The following CHRNA4 variants were observed in gnomAD, a reference collection of about 807,000 sequenced individuals.
CHRNA4 encodes cholinergic receptor nicotinic alpha 4 subunit.
Under a neutral mutation model 48.9 loss-of-function variants are expected in CHRNA4, and 28 were observed. The ratio of observed to expected loss-of-function variants is 0.57; its 90% CI spans 0.42 to 0.79. The LOEUF is 0.79. Ranked by LOEUF, CHRNA4 falls within the 30% of genes least tolerant of loss-of-function variation. CHRNA4 has a pLI of 0.00. For missense variants in CHRNA4, 859 were observed against 898.4 expected, an observed-to-expected ratio of 0.96 and a Z score of 0.56; for synonymous variants, 425 against 402.3, an observed-to-expected ratio of 1.06 and a Z score of -0.68.
At chr20:63,351,051 T>C (rs1436505960) in intron 4 of CHRNA4, 24 bp from the exon 5 acceptor site, 2 of 1,605,640 alleles carry the variant, frequency 1.2e-6, no homozygotes, top group African/African-American at 2.7e-5. Context: ...GAGCGAAGGG[T>C]GTGAGACCCC....
Position 63,361,294 on chromosome 20 carries a change from T to A in CHRNA4, c.-129A>T. On this transcript the variant is annotated 5_prime_UTR_variant, in exon 1 of 6. It adds an upstream start codon to the 5' untranslated region. Coordinates refer to ENST00000370263, the MANE Select transcript of CHRNA4 (RefSeq NM_000744.7). The stretch of plus-strand genomic sequence containing the variant: ...CTTCGGCCGCCGGGCCCGGTTCGTC[T>A]TCTCCTGTGGGGCGCGGTGCGGCGG... The A allele has an allele frequency of 7.5e-7, 1 of 1,327,730 alleles. No homozygotes were observed. Among genetic ancestry groups the A allele is most frequent in the South Asian group, 1.7e-5 (1 of 59,198 alleles). The allele number at this position is 1,327,730 out of a possible 1,614,324, so 82.2% of individuals were successfully genotyped here.
At position 63,350,333 on chromosome 20, in the gene CHRNA4, G is replaced by C. The variant is rs759167480; in HGVS notation, c.1078C>G (p.Arg360Gly). The C allele has an allele frequency of 6.2e-7, 1 of 1,613,460 alleles. No homozygotes were observed. The highest frequency in any genetic ancestry group is 1.1e-5 in the South Asian group (1 of 91,092). Residue 360 changes from arginine to glycine, a missense_variant, in exon 5 of 6, where the codon CGG becomes GGG. Physicochemically the swap from Arg to Gly is moderately radical, Grantham distance 125. Coordinates refer to ENST00000370263, the MANE Select transcript of CHRNA4 (RefSeq NM_000744.7). Reference sequence around the variant, plus strand: ...CAATTGTCCTTGACCACGGACGGCCGCTTCATGAGGAGCAGGCGTGGCACG... The same window carrying C: ...CAATTGTCCTTGACCACGGACGGCCCCTTCATGAGGAGCAGGCGTGGCACG... ...DIVPRLLLMK[R>G]PSVVKDNCRR...
rs1568802031 is a variant in CHRNA4 at position 63,344,555 on chromosome 20, G to GGTCCCCCGGCAGGAGC, written c.*2167_*2182dup. 1 of 452,938 alleles carries GGTCCCCCGGCAGGAGC rather than the reference G, an allele frequency of 2.2e-6. No individual in the cohort carries two copies. The allele number at this position is 452,938 out of a possible 1,614,324, so 28.1% of individuals were successfully genotyped here. Reference sequence around the variant, plus strand: ...GGCAAGCGGCCACCCCCGGCAGGAGGGTCCCCCGGCAGGAGCGTCCCAGCC... The same window carrying GGTCCCCCGGCAGGAGC: ...GGCAAGCGGCCACCCCCGGCAGGAGGGTCCCCCGGCAGGAGCGTCCCCCGGCAGGAGCGTCCCAGCC... On this transcript the variant is annotated 3_prime_UTR_variant, in exon 6 of 6. Transcript: ENST00000370263. This position sits in a 1 kb window ranked among gnomAD's most constrained non-coding sequence, Gnocchi z 4.5.
Position 63,349,981 on chromosome 20 carries a change from G to A in CHRNA4, c.1430C>T (p.Ala477Val), listed in dbSNP as rs200243948. 70 of 1,551,480 alleles carry A rather than the reference G, an allele frequency of 4.5e-5. No homozygotes were observed. Among genetic ancestry groups the A allele is most frequent in the South Asian group, 7.2e-5 (6 of 83,652 alleles). Residue 477 changes from alanine to valine, a missense_variant, in exon 5 of 6, where the codon GCG (alanine) becomes GTG (valine). Around this residue, in one of 3 missense-constraint regions of CHRNA4, gnomAD observed 478 missense variants for 455.4 expected, o/e 1.05. Coordinates refer to ENST00000370263, the MANE Select transcript of CHRNA4 (RefSeq NM_000744.7). The part of the protein sequence containing the change: ...SVQHMSSPGE[A>V]VEGGVRCRSR... ...CCGGCACCGGACGCCGCCTTCCACCGCTTCGCCAGGGCTGGACATGTGCTG... is the reference window on the plus strand; with the variant it reads ...CCGGCACCGGACGCCGCCTTCCACCACTTCGCCAGGGCTGGACATGTGCTG...
At chr20:63,351,288 G>A (rs948470474) in intron 4 of CHRNA4, among the ~76,000 whole-genome samples, 4 of 99,896 alleles carry the variant, frequency 4.0e-5, no homozygotes, top group Non-Finnish European at 9.2e-5. Flanking sequence ...TCACGTCACA[G>A]GAGCACAAAA....
chr20:63,350,069 G>T lies in CHRNA4; in HGVS notation c.1342C>A (p.Pro448Thr). 6.6e-7 allele frequency: 1 copy of T among 1,518,974 alleles called. No individual in the cohort carries two copies. Among genetic ancestry groups the T allele is most frequent in the Admixed American group, 2.0e-5 (1 of 48,878 alleles). 94.1% of individuals were successfully genotyped at this position (1,518,974 alleles called of 1,614,324 possible). The change falls in exon 5 of 6, where the codon CCC becomes ACC. Residue 448 changes from proline (P) to threonine (T), a missense_variant. This residue lies in a region of CHRNA4 where 478 missense variants were observed against 455.4 expected (regional missense o/e 1.05). Coordinates refer to ENST00000370263, the MANE Select transcript of CHRNA4 (RefSeq NM_000744.7). ...EKASPHPSPG[P>T]CRPPHGTQAP... ...TGGGTGCCGTGGGGCGGGCGGCAGG[G>T]TCCAGGCGAGGGGTGGGGGCTGGCT...
chr20:63,353,260 G>T (rs1332872757), intron 4 of CHRNA4, among the ~76,000 whole-genome samples: 1 of 152,204 alleles, frequency 6.6e-6, no homozygotes, highest in Non-Finnish European at 1.5e-5. Context: ...GGCCTCCTCA[G>T]CGGGAGCAGA....
chr20:63,359,415 A>G, intron 2 of CHRNA4, 133 bp downstream of exon 2: 1 of 1,175,918 alleles, frequency 8.5e-7, no homozygotes, highest in Non-Finnish European at 1.2e-6. Context: ...TGTCGTTCTG[A>G]CGTACCAGCC....
chr20:63,357,130 A>G (rs1948865690), intron 2 of CHRNA4, among the ~76,000 whole-genome samples: 1 of 122,328 alleles, frequency 8.2e-6, no homozygotes, highest in African/African-American at 3.3e-5. Context: ...CCACGTCTCC[A>G]CGGACCGTGT....
rs1275060934 is a variant in CHRNA4 at position 63,344,461 on chromosome 20, A to G, written c.*2277T>C. 1 of 452,270 alleles carries G rather than the reference A, an allele frequency of 2.2e-6. No individual in the cohort carries two copies. The highest frequency in any genetic ancestry group is 7.0e-5 in the East Asian group (1 of 14,252). The allele number at this position is 452,270 out of a possible 1,614,324, so 28.0% of individuals were successfully genotyped here. A position where few individuals can be genotyped will look rare whatever the true frequency, so the allele number is the denominator to read the frequency against. On this transcript the variant is annotated 3_prime_UTR_variant, in exon 6 of 6. Transcript: ENST00000370263. The surrounding 1 kb of genome is among the most constrained non-coding windows in gnomAD (Gnocchi z 4.5). ...AAGGTTAATTTGGCGTGGTGGGAAT[A>G]TGGTGCTTTATTTGGATTTTTTTTT...
chr20:63,359,409 G>A (rs529595789), intron 2 of CHRNA4, 139 bp downstream of exon 2: 56 of 1,116,948 alleles, frequency 5.0e-5, no homozygotes, highest in Non-Finnish European at 6.5e-5. Context: ...GGTGGCTGTC[G>A]TTCTGACGTA....
intron 1 of CHRNA4, 62 bp downstream of exon 1, chr20:63,361,028 T>G: frequency 7.7e-7 from 1 of 1,299,044 alleles, no homozygotes; most frequent in Non-Finnish European, 9.9e-7. Flanking sequence ...CCTCTGGCTC[T>G]GGGGGTCCCA....
intron 1 of CHRNA4, 79 bp downstream of exon 1, chr20:63,361,011 C>G: frequency 8.5e-7 from 1 of 1,182,476 alleles, no homozygotes; most frequent in Admixed American, 4.1e-5. Context: ...AGTCAGGAGC[C>G]TGCCTCCCTC....
rs2068601636 is a variant in CHRNA4, at chr20:63,351,191, CGCCCACAT to C, written c.384-172_384-165del. 75 of 435,380 alleles carry C rather than the reference CGCCCACAT, an allele frequency of 1.7e-4. 7 individuals are homozygous for C. Among genetic ancestry groups the C allele is most frequent in the African/African-American group, 3.3e-4 (7 of 21,238 alleles). 27.0% of individuals were successfully genotyped at this position (435,380 alleles called of 1,614,324 possible). A position where few individuals can be genotyped will look rare whatever the true frequency, so the allele number is the denominator to read the frequency against. Reference sequence around the variant, plus strand: ...CGTCCACGCCCACATCCATGTCCCACGCCCACATCCACACCCACGTCCACGTCCACGCC... The same window carrying C: ...CGTCCACGCCCACATCCATGTCCCACCCACACCCACGTCCACGTCCACGCC... On this transcript the variant is annotated intron_variant, in intron 4 of 5. Coordinates refer to ENST00000370263, the MANE Select transcript of CHRNA4 (RefSeq NM_000744.7).
chr20:63,343,597 G>A lies in CHRNA4; in HGVS notation c.*3141C>T, dbSNP rs199806768. 3 of 453,938 alleles carry A rather than the reference G, an allele frequency of 6.6e-6. No homozygotes were observed. Among genetic ancestry groups the A allele is most frequent in the Non-Finnish European group, 1.3e-5 (3 of 226,752 alleles). 28.1% of individuals were successfully genotyped at this position (453,938 alleles called of 1,614,324 possible). A position where few individuals can be genotyped will look rare whatever the true frequency, so the allele number is the denominator to read the frequency against. On this transcript the variant is annotated 3_prime_UTR_variant, in exon 6 of 6. Coordinates refer to ENST00000370263, the MANE Select transcript of CHRNA4 (RefSeq NM_000744.7). Reference sequence around the variant, plus strand: ...AGGCCAGCCATTGAGAGATTACCACGCTTCCTGAGAGGAGGGCCACGTCGC... The same window carrying A: ...AGGCCAGCCATTGAGAGATTACCACACTTCCTGAGAGGAGGGCCACGTCGC...
Position 63,349,726 on chromosome 20 carries a change from G to A in CHRNA4, c.1685C>T (p.Pro562Leu), listed in dbSNP as rs200750362. The A allele has an allele frequency of 2.5e-5, 40 of 1,612,696 alleles. No individual in the cohort carries two copies. The highest frequency in any genetic ancestry group is 9.9e-5 in the South Asian group (9 of 91,080). The change falls in exon 5 of 6, where the codon CCG becomes CTG. Residue 562 changes from proline to leucine, a missense_variant. By Grantham distance (98) the Pro-to-Leu change is moderately conservative. Transcript: ENST00000370263. ...KAPPPHLPLS[P>L]ALTRAVEGVQ... is the part of the protein sequence containing the mutation. ...GCCCTCCACCGCCCGGGTCAGGGCC[G>A]GCGACAGGGGCAGGTGCGGGGGCGG... is the stretch of plus-strand genomic sequence containing the variant.
At chr20:63,351,679 G>T (rs922259627) in intron 4 of CHRNA4, among the ~76,000 whole-genome samples, 1 of 152,250 alleles carries the variant, frequency 6.6e-6, no homozygotes, top group Admixed American at 6.5e-5. Flanking sequence ...GCCACCCAGG[G>T]CCAATGCAGT....
In CHRNA4 at chr20:63,350,968, C is replaced by G; in HGVS notation, c.443G>C (p.Arg148Pro). The change falls in exon 5 of 6, where the codon CGG (arginine) becomes CCG (proline). Residue 148 changes from arginine to proline, a missense_variant. Physicochemically the swap from Arg to Pro is moderately radical, Grantham distance 103 (BLOSUM62 -2). Around this residue, in one of 3 missense-constraint regions of CHRNA4, gnomAD observed 342 missense variants for 365.3 expected, o/e 0.94. Coordinates refer to ENST00000370263, the MANE Select transcript of CHRNA4 (RefSeq NM_000744.7). Reference sequence around the variant, plus strand: ...AATGGCCGGGGGAGTCCACTGCACCCGCCCGTCATGGAACAGGTGGGCCTT... The same window carrying G: ...AATGGCCGGGGGAGTCCACTGCACCGGCCCGTCATGGAACAGGTGGGCCTT... ...LTKAHLFHDG[R>P]VQWTPPAIYK... 6.2e-7 allele frequency: 1 copy of G among 1,613,728 alleles called. No homozygotes were observed. Among genetic ancestry groups the G allele is most frequent in the Non-Finnish European group, 8.5e-7 (1 of 1,180,002 alleles).
chr20:63,355,642 C>G (rs1311335673), intron 4 of CHRNA4: 1 of 1,260,124 alleles, frequency 7.9e-7, no homozygotes, highest in South Asian at 1.3e-5. Context: ...AGCCAGCCCC[C>G]AGGCCTCAGG....
Sources: gnomAD v4.1 joint callset for allele counts (sites outside exome capture counted in the v4.1 genomes callset) on GRCh38, gnomAD v4.1.1 for gene constraint, gnomAD v4.1.1 regional missense constraint, Gnocchi (gnomAD v3.1) non-coding constraint, MANE v1.5 for transcripts, NCBI Gene and HGNC (gene_info 2026-07-23, HGNC 2026-07-21) for gene names.